Variants in FRMD4A observed in about 807,000 individuals in gnomAD.
FRMD4A encodes the protein FERM domain containing 4A.
In FRMD4A, 29 loss-of-function variants were observed where a neutral mutation model predicts 129.1. The observed-to-expected ratio is 0.22, with a 90% CI of 0.17 to 0.31. FRMD4A has a LOEUF of 0.31. Ranked by LOEUF, FRMD4A falls within the 10% of genes least tolerant of loss-of-function variation. FRMD4A has a pLI of 1.00. For missense variants in FRMD4A, 1,272 were observed against 1,375.8 expected, an observed-to-expected ratio of 0.92 and a Z score of 1.19; for synonymous variants, 634 against 571.6, an observed-to-expected ratio of 1.11 and a Z score of -1.56.
chr10:14,203,561 G>C (rs1176943396), intron 2 of FRMD4A, among the ~76,000 whole-genome samples: 1 of 152,194 alleles, frequency 6.6e-6, no homozygotes, highest in Non-Finnish European at 1.5e-5. Context: ...TAAACCTAAA[G>C]AACAGACATT....
chr10:13,791,462 AAAGG>A, intron 5 of FRMD4A, among the ~76,000 whole-genome samples: 1 of 150,778 alleles, frequency 6.6e-6, no homozygotes, highest in East Asian at 2.0e-4. Context: ...TGTGTGAGAG[AAAGG>A]GAGAGAGAGA....
At chr10:14,264,139 C>A (rs1350101630) in intron 2 of FRMD4A, among the ~76,000 whole-genome samples, 3 of 152,188 alleles carry the variant, frequency 2.0e-5, no homozygotes, top group Non-Finnish European at 4.4e-5. Context: ...ATCCACTCTG[C>A]CCTCCTATGA....
In FRMD4A at chr10:13,646,942, G is replaced by C; in HGVS notation, c.*96C>G. 2.1e-6 allele frequency: 2 copies of C among 970,612 alleles called. No homozygotes were observed. The highest frequency in any genetic ancestry group is 4.8e-5 in the South Asian group (1 of 21,012). 60.1% of individuals were successfully genotyped at this position (970,612 alleles called of 1,614,324 possible). On this transcript the variant is annotated 3_prime_UTR_variant, in exon 25 of 25. Coordinates refer to ENST00000357447, the MANE Select transcript of FRMD4A (RefSeq NM_018027.5). ...ATTAGGCCGGGCTGGCTCACACGAG[G>C]GTCCCGGGCTTGGCTTTTTCCTGCC...
chr10:14,233,307 C>T (rs940524924), intron 2 of FRMD4A, among the ~76,000 whole-genome samples: 3 of 152,216 alleles, frequency 2.0e-5, no homozygotes, highest in Admixed American at 6.5e-5. Context: ...CAGTGGCTCA[C>T]ACCTGTTATC....
intron 2 of FRMD4A, among the ~76,000 whole-genome samples, chr10:14,313,681 T>C (rs538711410): frequency 6.6e-6 from 1 of 152,360 alleles, no homozygotes; most frequent in African/African-American, 2.4e-5. Context: ...GGGACAGATG[T>C]TTGTATGAAC....
intron 2 of FRMD4A, among the ~76,000 whole-genome samples, chr10:14,118,483 G>A (rs7072909): frequency 0.011 from 1,685 of 152,272 alleles, 23 homozygotes; most frequent in African/African-American, 0.038. Context: ...TCTGGCACAG[G>A]CATTCAGTGG....
intron 2 of FRMD4A, among the ~76,000 whole-genome samples, chr10:14,204,921 C>T (rs1025279450): frequency 6.6e-6 from 1 of 152,128 alleles, no homozygotes; most frequent in South Asian, 2.1e-4. Context: ...GGAGAAGAAC[C>T]GATGCCCCAA....
chr10:14,234,598 C>T (rs763912637), intron 2 of FRMD4A, among the ~76,000 whole-genome samples: 1 of 152,222 alleles, frequency 6.6e-6, no homozygotes, highest in Non-Finnish European at 1.5e-5. Context: ...AATGCCAAAG[C>T]CAGTCTTCTG....
chr10:13,682,572 C>T (rs1315024801), intron 15 of FRMD4A, among the ~76,000 whole-genome samples: 1 of 144,844 alleles, frequency 6.9e-6, no homozygotes, highest in South Asian at 2.2e-4. Flanking sequence ...CTGATCTTGG[C>T]TCACTGCAAC....
chr10:13,784,280 C>T (rs1260326476), intron 5 of FRMD4A, among the ~76,000 whole-genome samples: 6 of 152,172 alleles, frequency 3.9e-5, no homozygotes, highest in Admixed American at 1.3e-4. Context: ...TGACTCAGGG[C>T]AGTCACATCA....
intron 2 of FRMD4A, among the ~76,000 whole-genome samples, chr10:13,883,510 A>C (rs1375928293): frequency 2.0e-5 from 3 of 152,164 alleles, no homozygotes; most frequent in Admixed American, 6.5e-5. Context: ...AACAAACAAA[A>C]AAAACCAAGA....
At chr10:13,839,170 TTTTG>T (rs1262766565) in intron 3 of FRMD4A, among the ~76,000 whole-genome samples, 1 of 151,448 alleles carries the variant, frequency 6.6e-6, no homozygotes, top group Non-Finnish European at 1.5e-5. Flanking sequence ...TAATTAAAAT[TTTTG>T]TTTGTTTGTT....
In FRMD4A at chr10:13,666,277, T is replaced by A. The variant is rs1294891515; in HGVS notation, c.1423A>T (p.Ile475Phe). 6.2e-7 allele frequency: 1 copy of A among 1,614,138 alleles called. No homozygotes were observed. Among genetic ancestry groups the A allele is most frequent in the Non-Finnish European group, 8.5e-7 (1 of 1,179,990 alleles). ...LEREFAIQSQ[I>F]TEAARRLASD... Reference sequence around the variant, plus strand: ...GCTAGGCGGCGGGCGGCCTCCGTAATCTGGGACTGAATGGCAAACTCTCGT... The same window carrying A: ...GCTAGGCGGCGGGCGGCCTCCGTAAACTGGGACTGAATGGCAAACTCTCGT... Residue 475 changes from isoleucine to phenylalanine, a missense_variant, in exon 18 of 25, where the codon ATT becomes TTT. Around this residue, in one of 2 missense-constraint regions of FRMD4A, gnomAD observed 972 missense variants for 892.3 expected, o/e 1.09. Transcript: ENST00000357447.
intron 24 of FRMD4A, chr10:13,649,252 T>C (rs2081351424): frequency 6.6e-6 from 1 of 152,230 alleles, no homozygotes; most frequent in African/African-American, 2.4e-5. Context: ...TCATAAAGGC[T>C]CAAGAAAGAC....
chr10:13,918,848 A>G (rs72772773), intron 2 of FRMD4A, among the ~76,000 whole-genome samples: 14,462 of 151,938 alleles, frequency 0.095, 998 homozygotes, highest in Non-Finnish European at 0.13. Context: ...GTTATAAAAC[A>G]AAGCAAAATG....
At chr10:13,796,644 GGGGT>G (rs1331696786) in intron 4 of FRMD4A, 56 bp from the exon 5 acceptor site, 1 of 867,678 alleles carries the variant, frequency 1.2e-6, no homozygotes, top group Non-Finnish European at 2.0e-6. Flanking sequence ...AAGTTTTTTT[GGGGT>G]TGAAGGTATA....
intron 2 of FRMD4A, chr10:14,074,974 C>G (rs12570328): frequency 6.6e-6 from 1 of 152,106 alleles, no homozygotes; most frequent in Admixed American, 6.5e-5. Flanking sequence ...AAGAGATTAC[C>G]CAGAATTAGT....
intron 2 of FRMD4A, among the ~76,000 whole-genome samples, chr10:13,999,118 G>A (rs1428173827): frequency 6.6e-6 from 1 of 152,006 alleles, no homozygotes; most frequent in Non-Finnish European, 1.5e-5. Flanking sequence ...CCTCTGTGTG[G>A]GATGTTCTTT....
chr10:13,892,491 C>G (rs2094712269), intron 2 of FRMD4A, among the ~76,000 whole-genome samples: 2 of 152,114 alleles, frequency 1.3e-5, no homozygotes, highest in South Asian at 4.1e-4. Flanking sequence ...GAAACAAACT[C>G]TGGGAAGATT....
Sources: gnomAD v4.1 joint callset for allele counts (sites outside exome capture counted in the v4.1 genomes callset) on GRCh38, gnomAD v4.1.1 for gene constraint, gnomAD v4.1.1 regional missense constraint, MANE v1.5 for transcripts, NCBI Gene and HGNC (gene_info 2026-07-23, HGNC 2026-07-21) for gene names.